The following RGS7BP variants were observed in gnomAD, a reference collection of about 807,000 sequenced individuals.
RGS7BP encodes the protein regulator of G protein signaling 7-binding protein.
Under a neutral mutation model 31.3 loss-of-function variants are expected in RGS7BP, and 9 were observed. The observed-to-expected ratio is 0.29, with a 90% CI of 0.17 to 0.50. The LOEUF (loss-of-function observed/expected upper bound fraction) is 0.50, where lower values mean the gene tolerates loss of function less well. Ranked by LOEUF, RGS7BP falls within the 20% of genes least tolerant of loss-of-function variation. The pLI is 0.98. For synonymous variants in RGS7BP, 115 were observed against 120.1 expected (o/e 0.96, Z 0.28); for missense variants, 274 against 322.0 (o/e 0.85, Z 1.14).
At position 64,527,556 on chromosome 5, in the gene RGS7BP, T is replaced by C. The variant is rs74407739; in HGVS notation, c.332+19679T>C. The stretch of plus-strand genomic sequence containing the variant: ...GCGGTTTTCATATCATTTCTAAGTT[T>C]CTTTTAGGCACAAAAATTTGTATGT... On this transcript the variant is annotated intron_variant, in intron 2 of 5. Transcript: ENST00000334025. Among the ~76,000 whole-genome samples, 1,058 of 147,670 alleles carry C rather than the reference T, an allele frequency of 7.2e-3. 12 individuals carry two copies. The highest frequency in any genetic ancestry group is 0.024 in the African/African-American group (954 of 39,968).
At chr5:64,558,793 G>A (rs1741983745) in intron 2 of RGS7BP, among the ~76,000 whole-genome samples, 2 of 152,152 alleles carry the variant, frequency 1.3e-5, no homozygotes, top group Admixed American at 1.3e-4. Context: ...GGAAAAGAAT[G>A]CATTCCCAGG....
chr5:64,609,257 C>T lies in RGS7BP; in HGVS notation c.*5C>T, dbSNP rs1339603188. 1.3e-6 allele frequency: 2 copies of T among 1,555,574 alleles called. No homozygotes were observed. The highest frequency in any genetic ancestry group is 3.3e-5 in the Admixed American group (2 of 59,730). On this transcript the variant is annotated 3_prime_UTR_variant, in exon 6 of 6. Coordinates refer to ENST00000334025, the MANE Select transcript of RGS7BP (RefSeq NM_001029875.3). The stretch of plus-strand genomic sequence containing the variant: ...TGTTGTCTCATCTCAAGCTAGGTGG[C>T]TCCTCCTGGAAACCCACTGAGAACA...
chr5:64,548,561 G>A (rs1393274413), intron 2 of RGS7BP, among the ~76,000 whole-genome samples: 1 of 152,112 alleles, frequency 6.6e-6, no homozygotes, highest in Non-Finnish European at 1.5e-5. Context: ...CCAGGCTGGA[G>A]TGCAGTGGCG....
intron 4 of RGS7BP, among the ~76,000 whole-genome samples, chr5:64,597,989 A>C (rs553711571): frequency 6.6e-6 from 1 of 152,154 alleles, no homozygotes; most frequent in African/African-American, 2.4e-5. Flanking sequence ...CCCAGCCTCA[A>C]GTTTGCCCTG....
At chr5:64,533,747 C>T (rs1471566023) in intron 2 of RGS7BP, among the ~76,000 whole-genome samples, 1 of 152,230 alleles carries the variant, frequency 6.6e-6, no homozygotes, top group Non-Finnish European at 1.5e-5. Context: ...TGAAGTAAAA[C>T]TCCGTTAGAA....
intron 2 of RGS7BP, among the ~76,000 whole-genome samples, chr5:64,510,723 G>A (rs1748810769): frequency 1.3e-5 from 2 of 152,072 alleles, no homozygotes; most frequent in Non-Finnish European, 2.9e-5. Context: ...TTTTTAGAAA[G>A]GTATTGTCAT....
At chr5:64,556,442 C>T (rs929619828) in intron 2 of RGS7BP, among the ~76,000 whole-genome samples, 11 of 147,978 alleles carry the variant, frequency 7.4e-5, no homozygotes, top group African/African-American at 2.5e-4. Context: ...CACACACACA[C>T]ACACACACAC....
At chr5:64,524,544 T>C (rs928250925) in intron 2 of RGS7BP, among the ~76,000 whole-genome samples, 1 of 152,188 alleles carries the variant, frequency 6.6e-6, no homozygotes, top group Admixed American at 6.5e-5. Flanking sequence ...TCCTCTATAA[T>C]TTCTTCTAAT....
intron 2 of RGS7BP, among the ~76,000 whole-genome samples, chr5:64,540,311 T>C (rs1741495372): frequency 6.6e-6 from 1 of 152,208 alleles, no homozygotes; most frequent in Non-Finnish European, 1.5e-5. Flanking sequence ...ACTCATGTTG[T>C]ATGTACCACT....
intron 5 of RGS7BP, among the ~76,000 whole-genome samples, chr5:64,607,106 A>G (rs1289968729): frequency 1.3e-5 from 2 of 152,066 alleles, no homozygotes; most frequent in African/African-American, 4.8e-5. Context: ...AACACTGTCA[A>G]CCTTGGTGGG....
chr5:64,585,004 T>C (rs1258035212), intron 3 of RGS7BP, among the ~76,000 whole-genome samples: 1 of 152,196 alleles, frequency 6.6e-6, no homozygotes, highest in Non-Finnish European at 1.5e-5. Context: ...CCCAGTCCTT[T>C]TCACAGTGCA....
rs192020370 is a variant in RGS7BP, at chr5:64,591,984, C to T, written c.464-2726C>T. On this transcript the variant is annotated intron_variant, in intron 3 of 5. Transcript: ENST00000334025. ...TGAGTGTGGGGCTGGGAACAGCAAA[C>T]AATAAACTAGTAAGCAAATACATAA... is the stretch of plus-strand genomic sequence containing the variant. Among the ~76,000 whole-genome samples, 516 of 152,144 alleles carry T rather than the reference C, an allele frequency of 3.4e-3. 4 individuals carry two copies. The highest frequency in any genetic ancestry group is 0.012 in the African/African-American group (501 of 41,500).
rs148762002 is a variant in RGS7BP, at chr5:64,610,769, G to A, written c.*1517G>A. ...GAAATTTCCTATATGTGACTGTTTTGACCTACAAAATGGCAATTTCTTATA... is the reference window on the plus strand; with the variant it reads ...GAAATTTCCTATATGTGACTGTTTTAACCTACAAAATGGCAATTTCTTATA... On this transcript the variant is annotated 3_prime_UTR_variant, in exon 6 of 6. Transcript: ENST00000334025. The A allele has an allele frequency of 4.1e-3, 621 of 151,938 alleles. 1 individual carries two copies. Among genetic ancestry groups the A allele is most frequent in the African/African-American group, 0.014 (599 of 41,476 alleles). 9.4% of individuals were successfully genotyped at this position (151,938 alleles called of 1,614,324 possible).
chr5:64,566,650 T>G (rs1742176496), intron 2 of RGS7BP, among the ~76,000 whole-genome samples: 1 of 151,964 alleles, frequency 6.6e-6, no homozygotes, highest in South Asian at 2.1e-4. Context: ...AAAGGTCAGT[T>G]TGAGGACAAG....
At chr5:64,582,512 A>G (rs1477142063) in intron 3 of RGS7BP, among the ~76,000 whole-genome samples, 1 of 152,158 alleles carries the variant, frequency 6.6e-6, no homozygotes, top group Non-Finnish European at 1.5e-5. Flanking sequence ...GCCATAGCTT[A>G]CAGCAAAATT....
chr5:64,569,779 A>G lies in RGS7BP; in HGVS notation c.333-5995A>G, dbSNP rs558619693. Among the ~76,000 whole-genome samples, 4 of 152,248 alleles carry G rather than the reference A, an allele frequency of 2.6e-5. No individual in the cohort carries two copies. In the South Asian group the frequency reaches 8.3e-4, roughly 32 times the overall value. Reference sequence around the variant, plus strand: ...GAGAGGAACCAGTGGGCATATTTGAAGAGAGGTCCTGGAGCTCACTCTCCT... The same window carrying G: ...GAGAGGAACCAGTGGGCATATTTGAGGAGAGGTCCTGGAGCTCACTCTCCT... On this transcript the variant is annotated intron_variant, in intron 2 of 5. Coordinates refer to ENST00000334025, the MANE Select transcript of RGS7BP (RefSeq NM_001029875.3).
At chr5:64,573,361 A>G (rs1388635338) in intron 2 of RGS7BP, among the ~76,000 whole-genome samples, 3 of 152,160 alleles carry the variant, frequency 2.0e-5, no homozygotes, top group African/African-American at 7.2e-5. Flanking sequence ...TCATTTGTTT[A>G]AATTACATAA....
chr5:64,549,476 G>A (rs1448411558), intron 2 of RGS7BP, among the ~76,000 whole-genome samples: 1 of 152,244 alleles, frequency 6.6e-6, no homozygotes, highest in Non-Finnish European at 1.5e-5. Context: ...CAAGGCTTCA[G>A]GCACAGGCCA....
Position 64,610,327 on chromosome 5 carries a change from C to T in RGS7BP, c.*1075C>T, listed in dbSNP as rs1743471169. The T allele has an allele frequency of 6.6e-6, 1 of 152,344 alleles. No homozygotes were observed. The highest frequency in any genetic ancestry group is 2.4e-5 in the African/African-American group (1 of 41,412). 9.4% of individuals were successfully genotyped at this position (152,344 alleles called of 1,614,324 possible). A position where few individuals can be genotyped will look rare whatever the true frequency, so the allele number is the denominator to read the frequency against. On this transcript the variant is annotated 3_prime_UTR_variant, in exon 6 of 6. Transcript: ENST00000334025. Reference sequence around the variant, plus strand: ...CTATATTTTAGAAAGGAGGAAGCCACATGCTTTGTTTTTCTGCTCACAGCT... The same window carrying T: ...CTATATTTTAGAAAGGAGGAAGCCATATGCTTTGTTTTTCTGCTCACAGCT...
Sources: allele counts gnomAD v4.1 joint callset (sites outside exome capture counted in the v4.1 genomes callset), GRCh38; gene constraint gnomAD v4.1.1; transcripts MANE v1.5; gene names NCBI Gene and HGNC (gene_info 2026-07-23, HGNC 2026-07-21).